The following SNX18 variants were observed in gnomAD, a reference collection of about 807,000 sequenced individuals.
SNX18 encodes sorting nexin-18.
SNX18 carries 35 observed loss-of-function variants against 48.7 expected under a neutral mutation model. That is an observed-to-expected ratio of 0.72 (90% CI 0.55 to 0.95). The LOEUF (loss-of-function observed/expected upper bound fraction) is 0.95, where lower values mean the gene tolerates loss of function less well. Among genes scored for constraint, SNX18 ranks in the 40% least tolerant of loss-of-function variants. The pLI is 0.00. For synonymous variants in SNX18, 492 were observed against 384.7 expected (o/e 1.28, Z -3.26); for missense variants, 824 against 871.0 (o/e 0.95, Z 0.68).
At chr5:54,605,874 G>C in the SNX18 span, among the ~76,000 whole-genome samples, 1 of 152,070 alleles carries the variant, frequency 6.6e-6, no homozygotes, top group Non-Finnish European at 1.5e-5. Context: ...TTGTTGACCA[G>C]GCTAATCTTG....
the SNX18 span, among the ~76,000 whole-genome samples, chr5:54,587,519 T>C: frequency 6.6e-6 from 1 of 152,242 alleles, no homozygotes; most frequent in African/African-American, 2.4e-5. Context: ...TGTCAATAAC[T>C]TCCAAAAGCA....
At chr5:54,521,963 C>T (rs1363625285) in intron 1 of SNX18, among the ~76,000 whole-genome samples, 1 of 152,132 alleles carries the variant, frequency 6.6e-6, no homozygotes, top group East Asian at 1.9e-4. Context: ...TTTTATGTGG[C>T]TTAACAGATT....
At chr5:54,599,395 G>A in the SNX18 span, among the ~76,000 whole-genome samples, 646 of 152,124 alleles carry the variant, frequency 4.2e-3, 8 homozygotes, top group African/African-American at 0.015. Context: ...TCATGAAAAC[G>A]GCCATACTAC....
In SNX18 at chr5:54,546,226, G is replaced by A. The variant is rs926924278; in HGVS notation, c.*2794G>A. 6.6e-6 allele frequency: 1 copy of A among 152,166 alleles called. No homozygotes were observed. The highest frequency in any genetic ancestry group is 2.4e-5 in the African/African-American group (1 of 41,440). 9.4% of individuals were successfully genotyped at this position (152,166 alleles called of 1,614,324 possible). A position where few individuals can be genotyped will look rare whatever the true frequency, so the allele number is the denominator to read the frequency against. ...GATTCTTAAATGCCGATTTTTAATT[G>A]TCTTAAATTTTGCTGCTGTTCTCAT... On this transcript the variant is annotated 3_prime_UTR_variant, in exon 2 of 2. Transcript: ENST00000381410.
At chr5:54,528,323 A>C (rs1043203689) in intron 1 of SNX18, among the ~76,000 whole-genome samples, 3 of 152,208 alleles carry the variant, frequency 2.0e-5, no homozygotes, top group African/African-American at 7.2e-5. Context: ...ACTTGCCCTC[A>C]TGGAAGGCCC....
intron 1 of SNX18, among the ~76,000 whole-genome samples, chr5:54,525,909 A>T (rs1198176597): frequency 6.6e-6 from 1 of 152,186 alleles, no homozygotes; most frequent in Non-Finnish European, 1.5e-5. Context: ...ATGTGAAAGA[A>T]CATTTATGCA....
At chr5:54,542,591 T>A (rs1192927758) in intron 1 of SNX18, among the ~76,000 whole-genome samples, 1 of 152,244 alleles carries the variant, frequency 6.6e-6, no homozygotes, top group African/African-American at 2.4e-5. Context: ...CCAGCCCTCA[T>A]GAGGGTGACC....
chr5:54,569,462 A>G, the SNX18 span, among the ~76,000 whole-genome samples: 3 of 152,210 alleles, frequency 2.0e-5, no homozygotes, highest in Non-Finnish European at 1.5e-5. Context: ...GTGGTTGAGA[A>G]GTTCGACAGG....
At chr5:54,567,433 G>A in the SNX18 span, among the ~76,000 whole-genome samples, 22 of 152,142 alleles carry the variant, frequency 1.4e-4, no homozygotes, top group African/African-American at 5.3e-4. Context: ...CCAAGATGGG[G>A]ATTGTGGGGG....
chr5:54,631,009 G>C, the SNX18 span, among the ~76,000 whole-genome samples: 1 of 152,112 alleles, frequency 6.6e-6, no homozygotes, highest in African/African-American at 2.4e-5. Flanking sequence ...GTCACCTACA[G>C]AGGCAAAAAT....
At chr5:54,637,926 C>T in the SNX18 span, among the ~76,000 whole-genome samples, 1 of 152,014 alleles carries the variant, frequency 6.6e-6, no homozygotes, top group African/African-American at 2.4e-5. Context: ...GCAGGAAACC[C>T]GGGCTGCTCT....
intron 1 of SNX18, among the ~76,000 whole-genome samples, chr5:54,530,497 A>G (rs1393574691): frequency 6.6e-6 from 1 of 152,188 alleles, no homozygotes; most frequent in African/African-American, 2.4e-5. Context: ...TGCTTGTTAG[A>G]AAATTGACTT....
At chr5:54,560,144 G>T in the SNX18 span, among the ~76,000 whole-genome samples, 1 of 152,286 alleles carries the variant, frequency 6.6e-6, no homozygotes, top group East Asian at 1.9e-4. Context: ...CCAAAGGAAT[G>T]TAAGTCATTC....
intron 1 of SNX18, among the ~76,000 whole-genome samples, chr5:54,534,680 G>GT (rs71600840): frequency 0.27 from 38,894 of 146,274 alleles, 5,605 homozygotes; most frequent in East Asian, 0.46. Context: ...TTTTTGTTTT[G>GT]TTTTTTTTTT....
At chr5:54,607,210 G>A in the SNX18 span, among the ~76,000 whole-genome samples, 7 of 152,088 alleles carry the variant, frequency 4.6e-5, no homozygotes, top group Non-Finnish European at 7.4e-5. Context: ...AAGCTGATAA[G>A]AAAGCCTGGG....
the SNX18 span, among the ~76,000 whole-genome samples, chr5:54,583,737 T>C: frequency 6.6e-6 from 1 of 152,356 alleles, no homozygotes; most frequent in South Asian, 2.1e-4. Context: ...GGTATGTAAG[T>C]AATGTAATTT....
chr5:54,612,206 A>G, the SNX18 span, among the ~76,000 whole-genome samples: 1 of 152,096 alleles, frequency 6.6e-6, no homozygotes, highest in Non-Finnish European at 1.5e-5. Flanking sequence ...TTGGCAGAGG[A>G]GCAATTAAAG....
the SNX18 span, among the ~76,000 whole-genome samples, chr5:54,630,501 A>C: frequency 6.6e-6 from 1 of 151,968 alleles, no homozygotes; most frequent in Non-Finnish European, 1.5e-5. Context: ...TTCTACTGAG[A>C]GTGAAGTACA....
At chr5:54,633,579 G>A in the SNX18 span, among the ~76,000 whole-genome samples, 1 of 152,182 alleles carries the variant, frequency 6.6e-6, no homozygotes, top group Non-Finnish European at 1.5e-5. Context: ...ACACCCCTGT[G>A]TCTCAGTTTC....
Sources: gnomAD v4.1 joint callset for allele counts (sites outside exome capture counted in the v4.1 genomes callset) on GRCh38, gnomAD v4.1.1 for gene constraint, MANE v1.5 for transcripts, NCBI Gene and HGNC (gene_info 2026-07-23, HGNC 2026-07-21) for gene names.